The following OBP2B variants were observed in gnomAD, a reference collection of about 807,000 sequenced individuals.
OBP2B encodes the protein odorant binding protein 2B.
OBP2B carries 10 observed loss-of-function variants against 21.7 expected under a neutral mutation model. The ratio of observed to expected loss-of-function variants is 0.46; its 90% confidence interval spans 0.28 to 0.78. The LOEUF is 0.78. OBP2B is among the 30% of genes least tolerant of loss of function. The pLI is 0.11. For missense variants in OBP2B, 153 were observed against 217.7 expected, an observed-to-expected ratio of 0.70 and a Z score of 1.87; for synonymous variants, 73 against 91.5, an observed-to-expected ratio of 0.80 and a Z score of 1.16.
At chr9:133,220,991 T>A in the OBP2B span, among the ~76,000 whole-genome samples, 2 of 152,192 alleles carry the variant, frequency 1.3e-5, no homozygotes, top group Admixed American at 1.3e-4. Flanking sequence ...GACAGACTCC[T>A]GCCCAAGAGC....
chr9:133,208,837 C>T (rs1240951161), intron 1 of OBP2B, among the ~76,000 whole-genome samples: 15 of 152,136 alleles, frequency 9.9e-5, no homozygotes, highest in African/African-American at 2.2e-4. Context: ...CATGGACCCC[C>T]GGGCCCCAGC....
At position 133,208,171 on chromosome 9, in the gene OBP2B, A is replaced by T; in HGVS notation, c.239T>A (p.Leu80Gln). ...REDRCIQKKI[L>Q]MRKTEEPGKY... ...GCCAGGCTCCTCCGTCTTCCGCATC[A>T]GGATTTTCTTCTGGATGCACCTATC... Residue 80 changes from leucine (L) to glutamine (Q), a missense_variant, in exon 3 of 7, where the codon CTG (leucine) becomes CAG (glutamine). By Grantham distance (113) the Leu-to-Gln change is moderately radical. Around this residue, in one of 2 missense-constraint regions of OBP2B, gnomAD observed 151 missense variants for 186.3 expected, o/e 0.81. Coordinates refer to ENST00000372034, the MANE Select transcript of OBP2B (RefSeq NM_014581.4). 1 of 1,611,738 alleles carries T rather than the reference A, an allele frequency of 6.2e-7. No homozygotes were observed. Among genetic ancestry groups the T allele is most frequent in the Non-Finnish European group, 8.5e-7 (1 of 1,179,810 alleles).
Position 133,207,732 on chromosome 9 carries a change from C to T in OBP2B, c.278-396G>A, listed in dbSNP as rs1833782774. 4.2e-6 allele frequency: 3 copies of T among 721,298 alleles called. No individual in the cohort carries two copies. The South Asian group carries it at 4.6e-5, about 11-fold the overall frequency. 44.7% of individuals were successfully genotyped at this position (721,298 alleles called of 1,614,324 possible). On this transcript the variant is annotated intron_variant, in intron 3 of 6. Transcript: ENST00000372034. The stretch of plus-strand genomic sequence containing the variant: ...TCCCTAACCCTCAGCTTCCCGATCC[C>T]TAACCCTTGGCCCCCGTCCCTAACC...
chr9:133,206,746 T>C (rs1331069142), intron 4 of OBP2B, among the ~76,000 whole-genome samples: 1 of 151,596 alleles, frequency 6.6e-6, no homozygotes, highest in African/African-American at 2.4e-5. Flanking sequence ...AGACAGTCAC[T>C]GCCCAGATGA....
the OBP2B span, among the ~76,000 whole-genome samples, chr9:133,215,702 A>C: frequency 1.3e-5 from 2 of 152,136 alleles, no homozygotes; most frequent in African/African-American, 4.8e-5. Context: ...CCCTTTCAAG[A>C]CTCATTGTAT....
the OBP2B span, among the ~76,000 whole-genome samples, chr9:133,217,055 A>G: frequency 2.0e-5 from 3 of 152,222 alleles, no homozygotes; most frequent in African/African-American, 7.2e-5. Flanking sequence ...CCCACACATG[A>G]ACCAGCAGAA....
intron 1 of OBP2B, among the ~76,000 whole-genome samples, chr9:133,208,876 C>G (rs532461509): frequency 6.6e-6 from 1 of 152,036 alleles, no homozygotes; most frequent in African/African-American, 2.4e-5. Flanking sequence ...CCACAGGGCC[C>G]AACCCTGCGA....
chr9:133,208,093 G>A (rs782627329), intron 3 of OBP2B, 40 bp downstream of exon 3: 32 of 1,534,980 alleles, frequency 2.1e-5, no homozygotes, highest in African/African-American at 9.7e-5. Flanking sequence ...TGGGGTTGGC[G>A]GTGGGGGAGG....
the OBP2B span, among the ~76,000 whole-genome samples, chr9:133,222,559 C>T: frequency 6.6e-6 from 1 of 152,130 alleles, no homozygotes; most frequent in Non-Finnish European, 1.5e-5. Context: ...GAAACCCTGT[C>T]TTTACTAAAA....
upstream of OBP2B, among the ~76,000 whole-genome samples, chr9:133,212,993 C>A (rs1446600229): frequency 6.6e-6 from 1 of 151,010 alleles, no homozygotes; most frequent in African/African-American, 2.4e-5. Context: ...TGGAGCCCCA[C>A]GTGGGCAGAT....
chr9:133,215,067 A>G, the OBP2B span, among the ~76,000 whole-genome samples: 1 of 152,254 alleles, frequency 6.6e-6, no homozygotes, highest in East Asian at 1.9e-4. Context: ...AGAACTATTA[A>G]GCGAGTTCAG....
At chr9:133,209,819 C>T (rs1482387349), upstream of OBP2B, among the ~76,000 whole-genome samples, 2 of 152,142 alleles carry the variant, frequency 1.3e-5, no homozygotes, top group Admixed American at 1.3e-4. This position sits in a 1 kb window ranked among gnomAD's most constrained non-coding sequence, Gnocchi z 6.0. Context: ...TATTGTGTGG[C>T]TCAGGGTCAG....
At chr9:133,221,238 C>T in the OBP2B span, among the ~76,000 whole-genome samples, 2 of 152,278 alleles carry the variant, frequency 1.3e-5, no homozygotes, top group East Asian at 3.9e-4. Flanking sequence ...CGTTTCCTCA[C>T]GGTTTTCTCC....
chr9:133,205,715 G>C (rs573049811), intron 6 of OBP2B: 5 of 715,438 alleles, frequency 7.0e-6, no homozygotes, highest in African/African-American at 1.8e-5. Flanking sequence ...CGGGCTGGCA[G>C]GTGCAGGAAT....
chr9:133,213,212 C>A (rs573220981), upstream of OBP2B, among the ~76,000 whole-genome samples: 29 of 152,222 alleles, frequency 1.9e-4, no homozygotes, highest in African/African-American at 7.0e-4. Context: ...TGCACTCCAG[C>A]CTGGGATACA....
chr9:133,213,882 C>T (rs1490661487), upstream of OBP2B, among the ~76,000 whole-genome samples: 2 of 152,152 alleles, frequency 1.3e-5, no homozygotes, highest in Non-Finnish European at 2.9e-5. Flanking sequence ...TCTGCATAAT[C>T]TCAGAAGATG....
chr9:133,214,946 C>A, the OBP2B span, among the ~76,000 whole-genome samples: 2,129 of 152,164 alleles, frequency 0.014, 46 homozygotes, highest in African/African-American at 0.048. Flanking sequence ...TAAAGACATA[C>A]AAATTGGAAA....
chr9:133,215,017 G>T, the OBP2B span, among the ~76,000 whole-genome samples: 1 of 152,112 alleles, frequency 6.6e-6, no homozygotes, highest in Non-Finnish European at 1.5e-5. Context: ...AAAATCCCAA[G>T]AAACTGAAAA....
Position 133,206,244 on chromosome 9 carries a change from G to T in OBP2B, c.490+71C>A. ...GCGGGGGACATGGGAGGACATGGGG[G>T]TCATGGGACACTGGAGATAGCAGAC... On this transcript the variant is annotated intron_variant, in intron 5 of 6. Coordinates refer to ENST00000372034, the MANE Select transcript of OBP2B (RefSeq NM_014581.4). 12 of 1,498,430 alleles carry T rather than the reference G, an allele frequency of 8.0e-6. No homozygotes were observed. In the Admixed American group the frequency reaches 1.7e-4, roughly 21 times the overall value. The allele number at this position is 1,498,430 out of a possible 1,614,324, so 92.8% of individuals were successfully genotyped here.
Sources: allele counts gnomAD v4.1 joint callset (sites outside exome capture counted in the v4.1 genomes callset), GRCh38; gene constraint gnomAD v4.1.1; regional missense constraint gnomAD v4.1.1; non-coding constraint Gnocchi (gnomAD v3.1); transcripts MANE v1.5; gene names NCBI Gene and HGNC (gene_info 2026-07-23, HGNC 2026-07-21).